Variants in PTPRD observed in about 807,000 individuals in gnomAD.
PTPRD encodes protein tyrosine phosphatase receptor type D.
Under a neutral mutation model 214.5 loss-of-function variants are expected in PTPRD, and 34 were observed. That is an observed-to-expected ratio of 0.16 (90% CI 0.12 to 0.21). The LOEUF is 0.21. Among genes scored for constraint, PTPRD ranks in the 10% least tolerant of loss-of-function variants. The probability of loss-of-function intolerance (pLI) is 1.00; values close to 1 mark genes in which losing one functional copy is unlikely to be tolerated. For synonymous variants in PTPRD, 1,128 were observed against 845.7 expected, an observed-to-expected ratio of 1.33 and a Z score of -5.79; for missense variants, 2,545 against 2,398.7, an observed-to-expected ratio of 1.06 and a Z score of -1.27.
rs370896471 is a variant in PTPRD, at chr9:8,691,589, G to A, written c.64+42191C>T. ...CCTTCATTACATAAGAATTCTATTG[G>A]ATTTGAAGGTGATTTGCCTGAATAT... On this transcript the variant is annotated intron_variant, in intron 12 of 45. Transcript: ENST00000381196. Among the ~76,000 whole-genome samples the A allele has an allele frequency of 6.1e-4, 93 of 152,192 alleles. 1 individual carries two copies. The highest frequency in any genetic ancestry group is 2.2e-3 in the African/African-American group (90 of 41,534).
chr9:9,171,181 TTCTTGTGGAACGGGAA>T (rs1234540085), intron 10 of PTPRD, among the ~76,000 whole-genome samples: 1 of 152,134 alleles, frequency 6.6e-6, no homozygotes, highest in Non-Finnish European at 1.5e-5. Flanking sequence ...TTATCATTGA[TTCTTGTGGAACGGGAA>T]AAGCTAAATG....
chr9:9,365,645 T>G lies in PTPRD; in HGVS notation c.-203+31804A>C, dbSNP rs539015319. 5.9e-5 allele frequency among the ~76,000 whole-genome samples: 9 copies of G among 151,594 alleles called. No homozygotes were observed. In the South Asian group the frequency reaches 1.7e-3, roughly 28 times the overall value. ...AAAAGCTTTTAATAAATGTCTATGTTTTTTCAAAGCAAAGATTATAGACTA... is the reference window on the plus strand; with the variant it reads ...AAAAGCTTTTAATAAATGTCTATGTGTTTTCAAAGCAAAGATTATAGACTA... On this transcript the variant is annotated intron_variant, in intron 9 of 45. Coordinates refer to ENST00000381196, the MANE Select transcript of PTPRD (RefSeq NM_002839.4).
intron 3 of PTPRD, among the ~76,000 whole-genome samples, chr9:10,335,728 G>T (rs2096833330): frequency 6.6e-6 from 1 of 151,506 alleles, no homozygotes; most frequent in East Asian, 2.0e-4. Flanking sequence ...AATATACAAA[G>T]AAAAACAAAA....
intron 3 of PTPRD, among the ~76,000 whole-genome samples, chr9:10,037,402 T>G (rs1216198107): frequency 6.6e-6 from 1 of 152,076 alleles, no homozygotes; most frequent in Non-Finnish European, 1.5e-5. Context: ...AGCACCTCTC[T>G]GCACCCTTCC....
intron 11 of PTPRD, among the ~76,000 whole-genome samples, chr9:8,754,971 C>T (rs139568676): frequency 7.2e-5 from 11 of 151,964 alleles, no homozygotes; most frequent in Non-Finnish European, 1.5e-5. Flanking sequence ...ACAATGTTAG[C>T]CATTAAAGAA....
At chr9:9,730,926 A>C (rs901390881) in intron 7 of PTPRD, among the ~76,000 whole-genome samples, 1 of 152,170 alleles carries the variant, frequency 6.6e-6, no homozygotes, top group Non-Finnish European at 1.5e-5. Context: ...ATCATTGTGC[A>C]TATGTTATTA....
chr9:8,663,385 TAA>T (rs200050636), intron 12 of PTPRD, among the ~76,000 whole-genome samples: 1 of 146,448 alleles, frequency 6.8e-6, no homozygotes. Flanking sequence ...TTTACCAAAC[TAA>T]AAAAAAAAAT....
chr9:9,913,341 T>A (rs1394735738), intron 5 of PTPRD, among the ~76,000 whole-genome samples: 1 of 151,954 alleles, frequency 6.6e-6, no homozygotes, highest in East Asian at 1.9e-4. Flanking sequence ...AAAAGAATAG[T>A]GATAAATACA....
intron 8 of PTPRD, among the ~76,000 whole-genome samples, chr9:9,537,291 C>T (rs562819352): frequency 1.4e-4 from 22 of 151,956 alleles, no homozygotes; most frequent in Admixed American, 1.1e-3. Context: ...TCTGTACAGT[C>T]ATACATCTTT....
rs753412640 is a variant in PTPRD at position 8,504,279 on chromosome 9, C to A, written c.1804G>T (p.Ala602Ser). 1 of 1,614,146 alleles carries A rather than the reference C, an allele frequency of 6.2e-7. No homozygotes were observed. The highest frequency in any genetic ancestry group is 8.5e-7 in the Non-Finnish European group (1 of 1,179,986). Residue 602 changes from alanine (A) to serine (S), a missense_variant, in exon 23 of 46, where the codon GCT becomes TCT. Physicochemically the swap from Ala to Ser is moderately conservative, Grantham distance 99. Transcript: ENST00000381196. ...GLGASTAEISARTMQSKPSAP... is the reference protein window; with the variant it reads ...GLGASTAEISSRTMQSKPSAP... ...CACCTACTTGACTGCATGGTTCTAG[C>A]TGATATTTCTGCAGTAGAAGCACCC...
At chr9:8,504,469 C>A (rs2097494410) in intron 22 of PTPRD, 64 bp from the exon 23 acceptor site, 7 of 1,538,928 alleles carry the variant, frequency 4.5e-6, no homozygotes, top group South Asian at 2.3e-5. Flanking sequence ...TTTAATCATA[C>A]TGTCTGGACC....
At chr9:8,331,863 T>C (rs1472533) in intron 43 of PTPRD, 127 bp from the exon 44 acceptor site, 1 of 1,125,934 alleles carries the variant, frequency 8.9e-7, no homozygotes, top group African/African-American at 1.6e-5. Context: ...GTTAGGAACA[T>C]GTTTAAATAG....
intron 4 of PTPRD, among the ~76,000 whole-genome samples, chr9:10,024,053 T>C (rs1245679601): frequency 1.3e-5 from 2 of 152,156 alleles, no homozygotes; most frequent in Non-Finnish European, 2.9e-5. Context: ...ACTAGATATA[T>C]TTTCAATCAT....
intron 5 of PTPRD, among the ~76,000 whole-genome samples, chr9:9,897,340 G>C (rs978026661): frequency 2.0e-5 from 3 of 151,800 alleles, no homozygotes; most frequent in African/African-American, 4.8e-5. Context: ...TATAAAGACA[G>C]TATTATGAAC....
intron 11 of PTPRD, among the ~76,000 whole-genome samples, chr9:8,754,549 C>T (rs10733548): frequency 0.68 from 103,346 of 151,990 alleles, 35,148 homozygotes; most frequent in Middle Eastern, 0.76. Context: ...TGGGTATCTG[C>T]ATGAAGAAAA....
chr9:8,436,751 C>T, intron 34 of PTPRD, 62 bp from the exon 35 acceptor site: 1 of 1,275,184 alleles, frequency 7.8e-7, no homozygotes, highest in Non-Finnish European at 1.1e-6. Context: ...CTAACTATTC[C>T]AAAATATAGA....
At chr9:8,788,031 T>C (rs1436190503) in intron 11 of PTPRD, among the ~76,000 whole-genome samples, 1 of 152,174 alleles carries the variant, frequency 6.6e-6, no homozygotes, top group East Asian at 1.9e-4. Context: ...GAATCCAGTT[T>C]AGTTACTTAC....
intron 8 of PTPRD, among the ~76,000 whole-genome samples, chr9:9,457,029 C>T (rs117688429): frequency 6.6e-6 from 1 of 151,840 alleles, no homozygotes; most frequent in Non-Finnish European, 1.5e-5. Flanking sequence ...AGTCATAGGG[C>T]AACTCTCTCT....
At chr9:9,712,434 A>G (rs192758072) in intron 7 of PTPRD, among the ~76,000 whole-genome samples, 19 of 152,302 alleles carry the variant, frequency 1.2e-4, no homozygotes, top group Admixed American at 1.2e-3. Context: ...CAGTTCATTA[A>G]TATTTTTAAT....
Sources: gnomAD v4.1 joint callset for allele counts (sites outside exome capture counted in the v4.1 genomes callset) on GRCh38, gnomAD v4.1.1 for gene constraint, MANE v1.5 for transcripts, NCBI Gene and HGNC (gene_info 2026-07-23, HGNC 2026-07-21) for gene names.